Variants in VPS45 observed in about 807,000 individuals in gnomAD.
VPS45 encodes the protein vacuolar protein sorting-associated protein 45.
A neutral mutation model predicts 75.9 loss-of-function variants in VPS45; 35 were observed. The observed-to-expected ratio is 0.46, with a 90% CI of 0.35 to 0.61. The LOEUF (loss-of-function observed/expected upper bound fraction) is 0.61, where lower values mean the gene tolerates loss of function less well. Ranked by LOEUF, VPS45 falls within the 20% of genes least tolerant of loss-of-function variation. The pLI is 0.00. For missense variants in VPS45, 559 were observed against 685.9 expected (o/e 0.81, Z 2.07); for synonymous variants, 220 against 238.2 (o/e 0.92, Z 0.70).
chr1:150,138,945 A>G (rs1337028257), intron 14 of VPS45, among the ~76,000 whole-genome samples: 1 of 151,912 alleles, frequency 6.6e-6, no homozygotes, highest in Non-Finnish European at 1.5e-5. Context: ...TTTATCTCAC[A>G]CCTACATCCT....
chr1:150,123,930 G>A (rs911060271), intron 14 of VPS45, among the ~76,000 whole-genome samples: 6 of 152,136 alleles, frequency 3.9e-5, no homozygotes, highest in Non-Finnish European at 1.5e-5. Context: ...GATGGCATGA[G>A]AGCAACAATT....
intron 13 of VPS45, among the ~76,000 whole-genome samples, chr1:150,094,269 A>AT (rs1440478295): frequency 1 from 151,567 of 151,700 alleles, 75,717 homozygotes; most frequent in Middle Eastern, 1. Context: ...AAAATTATAT[A>AT]TTTTTTTTGT....
chr1:150,107,690 G>A (rs1553806085), intron 13 of VPS45, among the ~76,000 whole-genome samples: 1 of 152,146 alleles, frequency 6.6e-6, no homozygotes, highest in African/African-American at 2.4e-5. Flanking sequence ...CTGAGGTCAG[G>A]AGTTCAAGAC....
intron 14 of VPS45, among the ~76,000 whole-genome samples, chr1:150,131,601 G>A (rs1196688322): frequency 6.6e-6 from 1 of 151,032 alleles, no homozygotes; most frequent in Non-Finnish European, 1.5e-5. Context: ...TTCAGAGGTC[G>A]AGACAGGAGA....
chr1:150,077,834 A>C, intron 7 of VPS45, 55 bp downstream of exon 7: 1 of 1,361,982 alleles, frequency 7.3e-7, no homozygotes, highest in Non-Finnish European at 1.0e-6. Flanking sequence ...ATATTCATCA[A>C]AATACAGATA....
At chr1:150,132,423 A>C (rs1415223917) in intron 14 of VPS45, among the ~76,000 whole-genome samples, 1 of 152,246 alleles carries the variant, frequency 6.6e-6, no homozygotes, top group African/African-American at 2.4e-5. Context: ...CATGATCAAA[A>C]AATATTAAAA....
At chr1:150,133,336 G>A (rs1553812818) in intron 14 of VPS45, among the ~76,000 whole-genome samples, 1 of 151,878 alleles carries the variant, frequency 6.6e-6, no homozygotes, top group African/African-American at 2.4e-5. Flanking sequence ...GATCACCTGA[G>A]GTCAGGAGTT....
chr1:150,094,090 G>GACCTAA (rs1656492379), intron 13 of VPS45, among the ~76,000 whole-genome samples: 1 of 152,154 alleles, frequency 6.6e-6, no homozygotes, highest in Non-Finnish European at 1.5e-5. Context: ...AAGGCCATTT[G>GACCTAA]TTACACAGGA....
At chr1:150,115,189 A>C (rs183011247) in intron 14 of VPS45, among the ~76,000 whole-genome samples, 1 of 151,988 alleles carries the variant, frequency 6.6e-6, no homozygotes, top group East Asian at 1.9e-4. Flanking sequence ...ACCTTCATCT[A>C]TTCTTCAGGT....
intron 12 of VPS45, 48 bp downstream of exon 12, chr1:150,092,457 C>G (rs782352407): frequency 6.7e-7 from 1 of 1,489,748 alleles, no homozygotes; most frequent in Non-Finnish European, 9.3e-7. Context: ...AGTTGAAGTC[C>G]TTGAGGCTGA....
intron 14 of VPS45, among the ~76,000 whole-genome samples, chr1:150,130,056 G>A (rs2101646049): frequency 6.6e-6 from 1 of 151,848 alleles, no homozygotes; most frequent in Non-Finnish European, 1.5e-5. Context: ...TTGAGATGGA[G>A]TCTCAAATAT....
At chr1:150,124,643 G>A (rs776381956) in intron 14 of VPS45, among the ~76,000 whole-genome samples, 6 of 145,316 alleles carry the variant, frequency 4.1e-5, no homozygotes, top group East Asian at 2.1e-4. Flanking sequence ...CCTACCTCCC[G>A]GATTTAAGTA....
In VPS45 at chr1:150,098,662, G is replaced by A. The variant is rs377629299; in HGVS notation, c.1493+5014G>A. On this transcript the variant is annotated intron_variant, in intron 13 of 14. Coordinates refer to ENST00000644510, the MANE Select transcript of VPS45 (RefSeq NM_007259.5). ...TGCTATAATAATAGAAAATATCAAA[G>A]GAAATGTGGCAAGAACACAACTTTG... Among the ~76,000 whole-genome samples the A allele has an allele frequency of 1.3e-4, 20 of 152,212 alleles. No homozygotes were observed. The East Asian group carries it at 3.1e-3, about 24-fold the overall frequency.
intron 14 of VPS45, among the ~76,000 whole-genome samples, chr1:150,128,949 G>A (rs1045701817): frequency 6.6e-6 from 1 of 150,940 alleles, no homozygotes; most frequent in Non-Finnish European, 1.5e-5. Flanking sequence ...CACCGTGTTA[G>A]CCAGGATGGT....
At chr1:150,116,116 A>G (rs1553808260) in intron 14 of VPS45, among the ~76,000 whole-genome samples, 1 of 152,220 alleles carries the variant, frequency 6.6e-6, no homozygotes, top group African/African-American at 2.4e-5. Flanking sequence ...TAGAAATGGA[A>G]GTGTCAGTGT....
chr1:150,128,573 G>C (rs1553811404), intron 14 of VPS45, among the ~76,000 whole-genome samples: 1 of 152,036 alleles, frequency 6.6e-6, no homozygotes, highest in East Asian at 1.9e-4. Context: ...CTAGAAACTT[G>C]GACCTTCTCC....
At chr1:150,116,132 T>C (rs2101619956) in intron 14 of VPS45, among the ~76,000 whole-genome samples, 1 of 152,368 alleles carries the variant, frequency 6.6e-6, no homozygotes, top group South Asian at 2.1e-4. Flanking sequence ...AGTGTGGTTA[T>C]GATCTTGGGA....
At chr1:150,114,408 C>T (rs1429791219) in intron 14 of VPS45, among the ~76,000 whole-genome samples, 3 of 149,694 alleles carry the variant, frequency 2.0e-5, no homozygotes, top group African/African-American at 7.4e-5. Flanking sequence ...GTGGAGGTTG[C>T]AGTGAGCCAA....
At chr1:150,099,832 CAAAAAAAA>C (rs1241681093) in intron 13 of VPS45, among the ~76,000 whole-genome samples, 3 of 108,538 alleles carry the variant, frequency 2.8e-5, no homozygotes, top group Non-Finnish European at 3.6e-5. Flanking sequence ...GACTCCGTCT[CAAAAAAAA>C]AAAAAAAAAA....
Sources: allele counts gnomAD v4.1 joint callset (sites outside exome capture counted in the v4.1 genomes callset), GRCh38; gene constraint gnomAD v4.1.1; transcripts MANE v1.5; gene names NCBI Gene and HGNC (gene_info 2026-07-23, HGNC 2026-07-21).